The following CDH18 variants were observed in gnomAD, a reference collection of about 807,000 sequenced individuals.
CDH18 encodes the protein cadherin 18, also known as cadherin-18.
CDH18 carries 31 observed loss-of-function variants against 67.9 expected under a neutral mutation model. That is an observed-to-expected ratio of 0.46 (90% CI 0.34 to 0.62). The LOEUF (loss-of-function observed/expected upper bound fraction) is 0.62, where lower values mean the gene tolerates loss of function less well. Ranked by LOEUF, CDH18 falls within the 20% of genes least tolerant of loss-of-function variation. The probability of loss-of-function intolerance (pLI) is 0.01; values close to 1 mark genes in which losing one functional copy is unlikely to be tolerated. For missense variants in CDH18, 890 were observed against 975.5 expected (o/e 0.91, Z 1.17); for synonymous variants, 362 against 347.2 (o/e 1.04, Z -0.48).
intron 2 of CDH18, among the ~76,000 whole-genome samples, chr5:20,024,013 C>T (rs1453803049): frequency 6.6e-6 from 1 of 152,098 alleles, no homozygotes; most frequent in East Asian, 1.9e-4. Flanking sequence ...GAATTCCAGC[C>T]AAGGCAGTAC....
chr5:20,188,406 A>G (rs924236110), intron 2 of CDH18, among the ~76,000 whole-genome samples: 5 of 151,984 alleles, frequency 3.3e-5, no homozygotes, highest in Middle Eastern at 3.2e-3. Context: ...CTCTGAATCT[A>G]CATTTATCCA....
chr5:19,771,745 A>C (rs1773753789), intron 3 of CDH18, among the ~76,000 whole-genome samples: 1 of 152,190 alleles, frequency 6.6e-6, no homozygotes, highest in African/African-American at 2.4e-5. Flanking sequence ...TGAACTCAAA[A>C]AAACACATCG....
intron 9 of CDH18, among the ~76,000 whole-genome samples, chr5:19,539,603 A>T (rs1269740897): frequency 5.3e-5 from 8 of 152,144 alleles, no homozygotes; most frequent in African/African-American, 9.7e-5. Flanking sequence ...CTGTTCTCAC[A>T]CTGCTAATAA....
intron 9 of CDH18, among the ~76,000 whole-genome samples, chr5:19,536,018 A>G (rs538810566): frequency 6.6e-6 from 1 of 152,316 alleles, no homozygotes; most frequent in East Asian, 1.9e-4. Context: ...GAAGTTGTTG[A>G]GCTGGTATGA....
At chr5:20,407,363 G>A (rs532489109) in intron 1 of CDH18, among the ~76,000 whole-genome samples, 1 of 152,064 alleles carries the variant, frequency 6.6e-6, no homozygotes, top group Non-Finnish European at 1.5e-5. Context: ...CAGTGGTTTA[G>A]GGTAGCACAA....
At chr5:19,524,024 C>T (rs989714101) in intron 9 of CDH18, among the ~76,000 whole-genome samples, 7 of 151,796 alleles carry the variant, frequency 4.6e-5, no homozygotes, top group Non-Finnish European at 1.0e-4. Context: ...AAATAGAAAA[C>T]AACACGTAAA....
chr5:19,695,016 G>A (rs973279665), intron 5 of CDH18, among the ~76,000 whole-genome samples: 1 of 152,166 alleles, frequency 6.6e-6, no homozygotes, highest in Non-Finnish European at 1.5e-5. Flanking sequence ...AACAGAGGGA[G>A]GGTCCATAAT....
chr5:20,256,963 A>ATCT (rs746304685), intron 1 of CDH18, among the ~76,000 whole-genome samples: 10,759 of 72,896 alleles, frequency 0.15, 528 homozygotes, highest in South Asian at 0.23. Context: ...CTATCTATCT[A>ATCT]ATCTATCTAT....
intron 5 of CDH18, among the ~76,000 whole-genome samples, chr5:19,701,938 C>A (rs879527040): frequency 2.0e-5 from 3 of 152,050 alleles, no homozygotes; most frequent in Non-Finnish European, 4.4e-5. Context: ...ACGTATTGTG[C>A]AAGTCTTGCT....
intron 1 of CDH18, among the ~76,000 whole-genome samples, chr5:20,368,163 G>A (rs1742677382): frequency 1.3e-5 from 2 of 152,124 alleles, no homozygotes; most frequent in Admixed American, 6.6e-5. Context: ...CATATTATGA[G>A]TATTATGTAT....
chr5:20,143,215 A>G (rs1335473476), intron 2 of CDH18, among the ~76,000 whole-genome samples: 1 of 152,140 alleles, frequency 6.6e-6, no homozygotes, highest in African/African-American at 2.4e-5. Flanking sequence ...GGGGATTCCG[A>G]TGAAGTCTCC....
intron 1 of CDH18, among the ~76,000 whole-genome samples, chr5:20,334,777 C>G (rs1438036609): frequency 1.3e-5 from 2 of 151,752 alleles, no homozygotes; most frequent in Non-Finnish European, 2.9e-5. Flanking sequence ...CACACACACA[C>G]ACACACACAC....
intron 2 of CDH18, among the ~76,000 whole-genome samples, chr5:19,843,224 A>ACT (rs1782543009): frequency 6.6e-6 from 1 of 152,104 alleles, no homozygotes; most frequent in African/African-American, 2.4e-5. Context: ...CGGGAAAAAA[A>ACT]TGGTTTCCTG....
chr5:20,155,585 C>T (rs1353238090), intron 2 of CDH18, among the ~76,000 whole-genome samples: 1 of 151,890 alleles, frequency 6.6e-6, no homozygotes, highest in African/African-American at 2.4e-5. Context: ...TAAATAAGTC[C>T]TATTTGTTTA....
At chr5:20,398,899 G>A (rs1366619876) in intron 1 of CDH18, among the ~76,000 whole-genome samples, 9 of 146,436 alleles carry the variant, frequency 6.1e-5, no homozygotes, top group South Asian at 4.4e-4. Flanking sequence ...CACGGCACAC[G>A]TATACCTACG....
intron 11 of CDH18, among the ~76,000 whole-genome samples, chr5:19,495,137 C>T (rs79247910): frequency 0.019 from 2,946 of 152,152 alleles, 79 homozygotes; most frequent in African/African-American, 0.067. Context: ...GTGACTAATC[C>T]TCAGAGATTT....
At chr5:20,240,326 T>G (rs1241729606) in intron 2 of CDH18, among the ~76,000 whole-genome samples, 1 of 151,988 alleles carries the variant, frequency 6.6e-6, no homozygotes, top group Non-Finnish European at 1.5e-5. Flanking sequence ...CAAAATATGA[T>G]TTTTGATTCA....
At chr5:20,234,661 A>C (rs755799335) in intron 2 of CDH18, among the ~76,000 whole-genome samples, 1 of 152,130 alleles carries the variant, frequency 6.6e-6, no homozygotes, top group Non-Finnish European at 1.5e-5. Context: ...ATTCTGCTCT[A>C]ATTTGTTATA....
At chr5:20,410,647 A>T (rs901046164) in intron 1 of CDH18, among the ~76,000 whole-genome samples, 1 of 151,558 alleles carries the variant, frequency 6.6e-6, no homozygotes, top group Admixed American at 6.6e-5. Context: ...TGTGAATCTC[A>T]GCAAGATCCA....
Sources: allele counts gnomAD v4.1 joint callset (sites outside exome capture counted in the v4.1 genomes callset), GRCh38; gene constraint gnomAD v4.1.1; transcripts MANE v1.5; gene names NCBI Gene and HGNC (gene_info 2026-07-23, HGNC 2026-07-21).